LARP1: variants seen among roughly 807,000 people sequenced by gnomAD.
LARP1 encodes the protein la-related protein 1.
Under a neutral mutation model 122.7 loss-of-function variants are expected in LARP1, and 36 were observed. The ratio of observed to expected loss-of-function variants is 0.29; its 90% CI spans 0.22 to 0.39. The LOEUF is 0.39. LARP1 is among the 10% of genes least tolerant of loss of function. LARP1 has a pLI of 1.00. For missense variants in LARP1, 1,040 were observed against 1,403.6 expected (o/e 0.74, Z 4.14); for synonymous variants, 539 against 528.7 (o/e 1.02, Z -0.27).
At chr5:154,753,378 T>A (rs1753606671), upstream of LARP1, among the ~76,000 whole-genome samples, 1 of 151,884 alleles carries the variant, frequency 6.6e-6, no homozygotes, top group African/African-American at 2.4e-5. Flanking sequence ...CCCAGGAGTT[T>A]GAAGCTGCAG....
At chr5:154,790,169 G>A (rs1305369555) in intron 1 of LARP1, among the ~76,000 whole-genome samples, 156 bp from the exon 2 acceptor site, 2 of 152,192 alleles carry the variant, frequency 1.3e-5, no homozygotes, top group African/African-American at 4.8e-5. Flanking sequence ...TGTTATTGGT[G>A]TTTGAGCACG....
At chr5:154,726,445 A>T (rs950054824) in intron 1 of LARP1, among the ~76,000 whole-genome samples, 9 of 152,200 alleles carry the variant, frequency 5.9e-5, no homozygotes, top group Non-Finnish European at 1.2e-4. Context: ...AAAAGTAGAT[A>T]ATAGCAATAG....
At chr5:154,740,120 G>A (rs1320778946) in intron 1 of LARP1, among the ~76,000 whole-genome samples, 6 of 150,840 alleles carry the variant, frequency 4.0e-5, no homozygotes, top group African/African-American at 1.2e-4. Context: ...AGCTGGGCGC[G>A]GTGGCTCATG....
chr5:154,784,513 G>A (rs1756730196), intron 1 of LARP1, among the ~76,000 whole-genome samples: 1 of 152,202 alleles, frequency 6.6e-6, no homozygotes. Flanking sequence ...CAATCTCCAG[G>A]AGATGATACC....
chr5:154,742,033 G>A lies in LARP1; in HGVS notation c.205+28903G>A, dbSNP rs78584084. Among the ~76,000 whole-genome samples, 513 of 152,188 alleles carry A rather than the reference G, an allele frequency of 3.4e-3. 2 individuals are homozygous for A. Among genetic ancestry groups the A allele is most frequent in the African/African-American group, 0.012 (482 of 41,540 alleles). On this transcript the variant is annotated intron_variant, in intron 1 of 18. Coordinates refer to the LARP1 transcript ENST00000336314. ...TGAACCTAGAGATATGTCTCAAATA[G>A]ACCTAAAGATCCAAGTACTGTGGAA... is the stretch of plus-strand genomic sequence containing the variant.
rs371205514 is a variant in LARP1, at chr5:154,770,550, A to AAT, written c.436+14359_436+14360dup. On this transcript the variant is annotated intron_variant, in intron 1 of 18. Coordinates refer to ENST00000518297, the MANE Select transcript of LARP1 (RefSeq NM_033551.3). ...TAGAGGTGGAATGAGGGTATGAGAG[A>AAT]ATAGCCTGAGACACAGGCAAGGGCA... Among the ~76,000 whole-genome samples the AAT allele has an allele frequency of 2.5e-3, 376 of 152,210 alleles. 3 individuals are homozygous for AAT. Among genetic ancestry groups the AAT allele is most frequent in the African/African-American group, 8.5e-3 (351 of 41,524 alleles).
intron 15 of LARP1, among the ~76,000 whole-genome samples, chr5:154,806,557 C>T (rs1410450456): frequency 1.3e-5 from 2 of 152,090 alleles, no homozygotes; most frequent in Non-Finnish European, 2.9e-5. Flanking sequence ...GTTCTCTGTC[C>T]CTTTACAAAA....
Position 154,814,197 on chromosome 5 carries a change from C to A in LARP1, c.*101C>A. ...GGAAAGGGGACAATGAAGGGACAGG[C>A]CTGGAGTTACTAGGACAGGCCTTTG... On this transcript the variant is annotated 3_prime_UTR_variant, in exon 19 of 19. Transcript: ENST00000518297. 8.4e-7 allele frequency: 1 copy of A among 1,194,142 alleles called. No homozygotes were observed. The highest frequency in any genetic ancestry group is 1.2e-6 in the Non-Finnish European group (1 of 832,388). The allele number at this position is 1,194,142 out of a possible 1,614,324, so 74.0% of individuals were successfully genotyped here.
chr5:154,698,473 T>G (rs1274662926), intron 1 of LARP1, among the ~76,000 whole-genome samples: 1 of 152,142 alleles, frequency 6.6e-6, no homozygotes, highest in Non-Finnish European at 1.5e-5. Context: ...GGCAGGCGCC[T>G]GTAATCCCAG....
chr5:154,740,602 G>A (rs1409817097), intron 1 of LARP1, among the ~76,000 whole-genome samples: 2 of 152,172 alleles, frequency 1.3e-5, no homozygotes, highest in Non-Finnish European at 2.9e-5. Flanking sequence ...CAGCAAGTCC[G>A]CTGCAGAGCT....
chr5:154,759,372 G>A (rs941207891), intron 1 of LARP1, among the ~76,000 whole-genome samples: 1 of 152,040 alleles, frequency 6.6e-6, no homozygotes, highest in African/African-American at 2.4e-5. Context: ...TAAGTACTCC[G>A]TGAAATGTAT....
At chr5:154,765,830 C>T (rs950730667) in intron 1 of LARP1, among the ~76,000 whole-genome samples, 1 of 152,162 alleles carries the variant, frequency 6.6e-6, no homozygotes, top group African/African-American at 2.4e-5. Context: ...GAATGAATTG[C>T]GTATTTTTAA....
Position 154,799,618 on chromosome 5 carries a change from A to G in LARP1, c.1405A>G (p.Ile469Val), listed in dbSNP as rs755354788. 1.2e-6 allele frequency: 2 copies of G among 1,614,048 alleles called. No individual in the cohort carries two copies. Among genetic ancestry groups the G allele is most frequent in the East Asian group, 2.2e-5 (1 of 44,874 alleles). ...CCTAAAGGACAGCAAGGTGGTGGAG[A>G]TCGTTGATGAGAAAGTTCGTAGGAG... The part of the protein sequence containing the change: ...AALKDSKVVE[I>V]VDEKVRRREE... The change falls in exon 9 of 19, where the codon ATC becomes GTC. Residue 469 changes from isoleucine (I) to valine (V), a missense_variant. Physicochemically the swap from Ile to Val is conservative, Grantham distance 29 (BLOSUM62 3). Coordinates refer to ENST00000518297, the MANE Select transcript of LARP1 (RefSeq NM_033551.3).
chr5:154,714,131 C>T (rs4446521), intron 1 of LARP1, among the ~76,000 whole-genome samples: 56,391 of 152,114 alleles, frequency 0.37, 11,864 homozygotes, highest in Non-Finnish European at 0.49. Flanking sequence ...CAGGATTGTT[C>T]TTATGACCAA....
At chr5:154,706,686 A>G (rs962083635) in intron 1 of LARP1, among the ~76,000 whole-genome samples, 2 of 151,932 alleles carry the variant, frequency 1.3e-5, no homozygotes, top group Admixed American at 1.3e-4. Flanking sequence ...TAACAAACCC[A>G]CACACACATC....
At position 154,805,861 on chromosome 5, in the gene LARP1, A is replaced by G. The variant is rs1561630393; in HGVS notation, c.2547-20A>G. Reference sequence around the variant, plus strand: ...CTGCTGTGGGGAACCTGGTGACAGTATTTTTTGTGGTTTCTGTAGCTCCAG... The same window carrying G: ...CTGCTGTGGGGAACCTGGTGACAGTGTTTTTTGTGGTTTCTGTAGCTCCAG... On this transcript the variant is annotated intron_variant, in intron 14 of 18. Transcript: ENST00000518297. The G allele has an allele frequency of 6.2e-7, 1 of 1,610,798 alleles. No individual in the cohort carries two copies. The highest frequency in any genetic ancestry group is 8.5e-7 in the Non-Finnish European group (1 of 1,178,758).
chr5:154,717,964 C>A (rs968081430), intron 1 of LARP1, among the ~76,000 whole-genome samples: 2 of 152,216 alleles, frequency 1.3e-5, no homozygotes, highest in African/African-American at 4.8e-5. Flanking sequence ...GTCACCCAGG[C>A]TGCAGTGCAG....
intron 1 of LARP1, among the ~76,000 whole-genome samples, chr5:154,769,845 A>G (rs1229615276): frequency 6.6e-6 from 1 of 152,214 alleles, no homozygotes; most frequent in Non-Finnish European, 1.5e-5. Flanking sequence ...AGTGCCTCTC[A>G]CGGTGAGCCA....
chr5:154,754,197 A>G (rs528115935), upstream of LARP1, among the ~76,000 whole-genome samples: 1 of 152,324 alleles, frequency 6.6e-6, no homozygotes, highest in African/African-American at 2.4e-5. Context: ...ACAATAATTT[A>G]TTACTTGTTT....
Sources: gnomAD v4.1 joint callset for allele counts (sites outside exome capture counted in the v4.1 genomes callset) on GRCh38, gnomAD v4.1.1 for gene constraint, MANE v1.5 for transcripts, NCBI Gene and HGNC (gene_info 2026-07-23, HGNC 2026-07-21) for gene names.